Variants in DLC1 observed in about 807,000 individuals in gnomAD.
DLC1 encodes DLC1 Rho GTPase activating protein.
In DLC1, 54 loss-of-function variants were observed where a neutral mutation model predicts 140.3. The observed-to-expected ratio is 0.38, with a 90% CI of 0.31 to 0.48. The LOEUF (loss-of-function observed/expected upper bound fraction) is 0.48. DLC1 is among the 20% of genes least tolerant of loss of function. DLC1 has a pLI of 0.96. For missense variants in DLC1, 2,536 were observed against 1,907.0 expected (o/e 1.33, Z -6.14); for synonymous variants, 986 against 728.1 (o/e 1.35, Z -5.70).
chr8:13,486,058 C>T (rs1393266304), intron 2 of DLC1, among the ~76,000 whole-genome samples: 1 of 152,100 alleles, frequency 6.6e-6, no homozygotes, highest in Non-Finnish European at 1.5e-5. Context: ...ATGCCTCAAT[C>T]CAAACACTGT....
chr8:13,582,871 C>T (rs1257417178), intron 1 of DLC1, among the ~76,000 whole-genome samples: 6 of 87,278 alleles, frequency 6.9e-5, no homozygotes, highest in East Asian at 4.0e-4. Flanking sequence ...TTACAATATA[C>T]TGTGGTCTAT....
At chr8:13,532,901 T>C (rs550024782) in intron 1 of DLC1, among the ~76,000 whole-genome samples, 216 of 152,296 alleles carry the variant, frequency 1.4e-3, no homozygotes, top group African/African-American at 5.1e-3. Flanking sequence ...AGTATTCCAA[T>C]GATATAAGTT....
At chr8:13,128,023 A>G (rs2128960616) in intron 5 of DLC1, among the ~76,000 whole-genome samples, 1 of 152,162 alleles carries the variant, frequency 6.6e-6, no homozygotes, top group Middle Eastern at 3.4e-3. Context: ...TTTCACGAGG[A>G]AAGTAAGTCT....
chr8:13,586,464 T>C (rs984636266), intron 1 of DLC1, among the ~76,000 whole-genome samples: 2 of 152,150 alleles, frequency 1.3e-5, no homozygotes, highest in Non-Finnish European at 2.9e-5. Flanking sequence ...GTTAAAGATA[T>C]AAGAAATGTG....
chr8:13,201,138 G>GAAAAAAAA (rs5889426), intron 5 of DLC1, among the ~76,000 whole-genome samples: 1 of 144,036 alleles, frequency 6.9e-6, no homozygotes. Context: ...AGGAAACAAG[G>GAAAAAAAA]AAAAAAAAAA....
At chr8:13,431,890 G>C (rs1838896246) in intron 2 of DLC1, among the ~76,000 whole-genome samples, 1 of 151,990 alleles carries the variant, frequency 6.6e-6, no homozygotes, top group African/African-American at 2.4e-5. Context: ...AAAGGTAATA[G>C]TTTTCTTGCA....
intron 1 of DLC1, among the ~76,000 whole-genome samples, chr8:13,598,879 T>A (rs1445178189): frequency 6.6e-6 from 1 of 151,900 alleles, no homozygotes; most frequent in Non-Finnish European, 1.5e-5. Flanking sequence ...TGTTGAGTCA[T>A]GTTAAAATGT....
intron 5 of DLC1, among the ~76,000 whole-genome samples, chr8:13,154,495 G>T (rs949027231): frequency 5.7e-4 from 87 of 152,282 alleles, no homozygotes; most frequent in African/African-American, 2.0e-3. Context: ...CTCCGAGTGC[G>T]GGGCCTGCCG....
chr8:13,461,187 C>A (rs1246429260), intron 2 of DLC1, among the ~76,000 whole-genome samples: 5 of 152,164 alleles, frequency 3.3e-5, no homozygotes, highest in Non-Finnish European at 4.4e-5. Context: ...CCCAGCCTGG[C>A]GGACAGAGCA....
rs557179026 is a variant in DLC1 at position 13,099,254 on chromosome 8, G to A, written c.2990+93C>T. 726 of 1,512,418 alleles carry A rather than the reference G, an allele frequency of 4.8e-4. 5 individuals are homozygous for A. In the African/African-American group the frequency reaches 9.0e-3, roughly 19 times the overall value. 93.7% of individuals were successfully genotyped at this position (1,512,418 alleles called of 1,614,324 possible). On this transcript the variant is annotated intron_variant, in intron 9 of 17. Transcript: ENST00000276297. Reference sequence around the variant, plus strand: ...GGAATGGACATGGCTAAGAATGCCAGACTTAATCCCATTTCTTCCCACAGA... The same window carrying A: ...GGAATGGACATGGCTAAGAATGCCAAACTTAATCCCATTTCTTCCCACAGA...
rs1461829228 is a variant in DLC1, at chr8:13,092,845, T to A, written c.3527-20A>T. Reference sequence around the variant, plus strand: ...GCACATCTGCACGACACCAGCACTTTCTCCATCAGCTTGGTGAATTTGCAT... The same window carrying A: ...GCACATCTGCACGACACCAGCACTTACTCCATCAGCTTGGTGAATTTGCAT... On this transcript the variant is annotated intron_variant, in intron 12 of 17. Transcript: ENST00000276297. The A allele has an allele frequency of 1.9e-6, 3 of 1,604,058 alleles. No homozygotes were observed. Among genetic ancestry groups the A allele is most frequent in the Non-Finnish European group, 1.7e-6 (2 of 1,173,776 alleles).
At chr8:13,506,146 GAT>G (rs1230369652) in intron 1 of DLC1, among the ~76,000 whole-genome samples, 1 of 151,620 alleles carries the variant, frequency 6.6e-6, no homozygotes, top group African/African-American at 2.4e-5. Context: ...GAATACATGT[GAT>G]ATATATATGT....
intron 5 of DLC1, among the ~76,000 whole-genome samples, chr8:13,178,457 A>G (rs543429581): frequency 6.6e-6 from 1 of 151,328 alleles, no homozygotes; most frequent in Non-Finnish European, 1.5e-5. Context: ...TCCTAGTTCC[A>G]CCTACTCAGG....
intron 5 of DLC1, among the ~76,000 whole-genome samples, chr8:13,206,017 C>A (rs73558308): frequency 0.012 from 1,768 of 152,212 alleles, 39 homozygotes; most frequent in African/African-American, 0.04. Flanking sequence ...TCAAAGTGAA[C>A]CTTGACCTAG....
At position 13,114,819 on chromosome 8, in the gene DLC1, T is replaced by C. The variant is rs192525922; in HGVS notation, c.1420+767A>G. Among the ~76,000 whole-genome samples, 15 of 152,328 alleles carry C rather than the reference T, an allele frequency of 9.8e-5. No homozygotes were observed. The East Asian group carries it at 2.9e-3, about 29-fold the overall frequency. On this transcript the variant is annotated intron_variant, in intron 6 of 17. Coordinates refer to ENST00000276297, the MANE Select transcript of DLC1 (RefSeq NM_182643.3). ...ATCTCTATATCATTTTATATCCATTTGGTTGGCAAAAATTAAAGTCTGACA... is the reference window on the plus strand; with the variant it reads ...ATCTCTATATCATTTTATATCCATTCGGTTGGCAAAAATTAAAGTCTGACA...
chr8:13,135,197 G>C (rs932755688), intron 5 of DLC1, among the ~76,000 whole-genome samples: 22 of 149,052 alleles, frequency 1.5e-4, no homozygotes, highest in African/African-American at 5.6e-4. Context: ...GATAAACAGT[G>C]AGAAGCCTTT....
intron 2 of DLC1, among the ~76,000 whole-genome samples, chr8:13,469,013 G>T (rs541326894): frequency 1.2e-3 from 185 of 151,862 alleles, no homozygotes; most frequent in African/African-American, 4.3e-3. Flanking sequence ...TGGAGATGGG[G>T]TTTCACGATG....
Position 13,384,551 on chromosome 8 carries a change from A to G in DLC1, c.1314+9002T>C, listed in dbSNP as rs574606571. Among the ~76,000 whole-genome samples, 14 of 152,272 alleles carry G rather than the reference A, an allele frequency of 9.2e-5. No homozygotes were observed. The East Asian group carries it at 2.7e-3, about 29-fold the overall frequency. On this transcript the variant is annotated intron_variant, in intron 4 of 17. Coordinates refer to ENST00000276297, the MANE Select transcript of DLC1 (RefSeq NM_182643.3). The stretch of plus-strand genomic sequence containing the variant: ...AAATTCTACTAGTTTTCAATTCTAA[A>G]CGTTCATCTTCTAAAAAATCATTTA...
chr8:13,295,652 A>T (rs1167514939), intron 5 of DLC1, among the ~76,000 whole-genome samples: 1 of 152,222 alleles, frequency 6.6e-6, no homozygotes, highest in African/African-American at 2.4e-5. Flanking sequence ...CAGAAAACAA[A>T]TCAAAGTGCT....
Sources: gnomAD v4.1 joint callset for allele counts (sites outside exome capture counted in the v4.1 genomes callset) on GRCh38, gnomAD v4.1.1 for gene constraint, MANE v1.5 for transcripts, NCBI Gene and HGNC (gene_info 2026-07-23, HGNC 2026-07-21) for gene names.